The following ATRN variants were observed in gnomAD, a reference collection of about 807,000 sequenced individuals.
ATRN encodes the protein attractin-2.
In ATRN, 54 loss-of-function variants were observed where a neutral mutation model predicts 178.7. The observed-to-expected ratio is 0.30, with a 90% CI of 0.24 to 0.38. The LOEUF is 0.38. Ranked by LOEUF, ATRN falls within the 10% of genes least tolerant of loss-of-function variation. The pLI, the probability that ATRN is intolerant of heterozygous loss-of-function variation, is 1.00. For synonymous variants in ATRN, 636 were observed against 663.0 expected (o/e 0.96, Z 0.63); for missense variants, 1,443 against 1,815.1 (o/e 0.79, Z 3.73).
chr20:3,565,263 T>A, intron 10 of ATRN, 85 bp from the exon 11 acceptor site: 1 of 977,652 alleles, frequency 1.0e-6, no homozygotes, highest in Non-Finnish European at 1.5e-6. Context: ...GTTCTCTTTG[T>A]TGTAGTATTT....
intron 6 of ATRN, among the ~76,000 whole-genome samples, chr20:3,553,818 A>T (rs1350310475): frequency 6.6e-6 from 1 of 152,048 alleles, no homozygotes; most frequent in Non-Finnish European, 1.5e-5. Context: ...TCCCAGAGAG[A>T]TCTTCTCTGA....
At chr20:3,554,345 A>ATTTG (rs1461495231) in intron 6 of ATRN, among the ~76,000 whole-genome samples, 1 of 149,826 alleles carries the variant, frequency 6.7e-6, no homozygotes, top group Non-Finnish European at 1.5e-5. Flanking sequence ...TTATTTATTT[A>ATTTG]TTTATTTTGA....
At position 3,630,964 on chromosome 20, in the gene ATRN, T is replaced by TTTTTTTTTTG. The variant is rs1307722255; in HGVS notation, c.3864-3347_3864-3346insTTTTTTTTTG. 4.6e-4 allele frequency among the ~76,000 whole-genome samples: 34 copies of TTTTTTTTTTG among 73,430 alleles called. 8 individuals are homozygous for TTTTTTTTTTG. Among genetic ancestry groups the TTTTTTTTTTG allele is most frequent in the Non-Finnish European group, 6.3e-4 (25 of 39,838 alleles). 48.2% of individuals were successfully genotyped at this position (73,430 alleles called of 152,430 possible). A position where few individuals can be genotyped will look rare whatever the true frequency, so the allele number is the denominator to read the frequency against. ...TTTTTTTTTTTTTTTTTTTTTTTTTTGGGATAGGGTCTCTGTTGCCCAGGC... is the reference window on the plus strand; with the variant it reads ...TTTTTTTTTTTTTTTTTTTTTTTTTTTTTTTTTTTGGGGATAGGGTCTCTGTTGCCCAGGC... On this transcript the variant is annotated intron_variant, in intron 25 of 28. Transcript: ENST00000262919.
At chr20:3,514,876 G>C (rs745393766) in intron 1 of ATRN, among the ~76,000 whole-genome samples, 2 of 152,172 alleles carry the variant, frequency 1.3e-5, no homozygotes, top group Admixed American at 6.5e-5. Context: ...AGGATCGCTT[G>C]AGCCCGGTTG....
intron 24 of ATRN, among the ~76,000 whole-genome samples, chr20:3,615,337 A>G (rs1355000452): frequency 1.3e-5 from 2 of 151,208 alleles, no homozygotes; most frequent in Admixed American, 6.6e-5. Context: ...GCTGAGGCAC[A>G]AGAATCACTT....
At chr20:3,644,062 T>G in intron 27 of ATRN, 92 bp from the exon 28 acceptor site, 1 of 942,832 alleles carries the variant, frequency 1.1e-6, no homozygotes, top group South Asian at 1.5e-5. Flanking sequence ...TACCTGAAAT[T>G]GATGGTTCTT....
At chr20:3,565,787 A>T (rs1249234831) in intron 11 of ATRN, among the ~76,000 whole-genome samples, 5 of 109,258 alleles carry the variant, frequency 4.6e-5, no homozygotes, top group African/African-American at 1.6e-4. Flanking sequence ...ACAGAGCAAG[A>T]CTCTGTCTCA....
intron 26 of ATRN, among the ~76,000 whole-genome samples, chr20:3,637,845 C>T (rs1387779388): frequency 1.2e-4 from 18 of 152,146 alleles, no homozygotes; most frequent in Admixed American, 1.1e-3. Flanking sequence ...CCCTAAATCC[C>T]GAGCCCCTGT....
At chr20:3,530,083 G>A (rs1440814163) in intron 1 of ATRN, among the ~76,000 whole-genome samples, 1 of 151,382 alleles carries the variant, frequency 6.6e-6, no homozygotes, top group African/African-American at 2.4e-5. Context: ...ATCAAACTAG[G>A]TAAGTGGATT....
chr20:3,570,718 C>T (rs1397257019), intron 11 of ATRN, among the ~76,000 whole-genome samples: 3 of 152,124 alleles, frequency 2.0e-5, no homozygotes, highest in Admixed American at 6.6e-5. Flanking sequence ...ATAACAAGAT[C>T]TGCTAGACTC....
At chr20:3,545,656 G>A in intron 3 of ATRN, 106 bp from the exon 4 acceptor site, 1 of 1,428,752 alleles carries the variant, frequency 7.0e-7, no homozygotes, top group Non-Finnish European at 9.5e-7. Flanking sequence ...CTTCCTGGAT[G>A]TGGTTTTTAA....
At chr20:3,583,140 A>G (rs2086303832) in intron 16 of ATRN, among the ~76,000 whole-genome samples, 2 of 152,208 alleles carry the variant, frequency 1.3e-5, no homozygotes, top group African/African-American at 2.4e-5. Flanking sequence ...AGATTTCTAA[A>G]TATTGATTTC....
At chr20:3,473,904 C>T (rs537237633) in intron 1 of ATRN, among the ~76,000 whole-genome samples, 1 of 152,234 alleles carries the variant, frequency 6.6e-6, no homozygotes, top group Admixed American at 6.5e-5. Context: ...TCCGTGTAAA[C>T]TGGTTTGCTC....
chr20:3,634,182 C>T (rs996637871), intron 25 of ATRN, 129 bp from the exon 26 acceptor site: 1 of 726,600 alleles, frequency 1.4e-6, no homozygotes, highest in Admixed American at 2.5e-5. Flanking sequence ...ATTGTTGTGA[C>T]AAAGCATCAG....
intron 25 of ATRN, among the ~76,000 whole-genome samples, chr20:3,627,625 A>G (rs1451420912): frequency 6.6e-6 from 1 of 152,206 alleles, no homozygotes; most frequent in Non-Finnish European, 1.5e-5. Flanking sequence ...TGTCAGAAAT[A>G]AAAAAGGGGG....
At chr20:3,600,141 T>C (rs550938840) in intron 22 of ATRN, among the ~76,000 whole-genome samples, 1 of 152,288 alleles carries the variant, frequency 6.6e-6, no homozygotes, top group East Asian at 1.9e-4. Context: ...AAATTTCAGT[T>C]TGACTAATTA....
intron 1 of ATRN, among the ~76,000 whole-genome samples, chr20:3,534,783 G>A (rs924733303): frequency 3.3e-5 from 5 of 152,148 alleles, no homozygotes; most frequent in African/African-American, 9.7e-5. Flanking sequence ...GGGCAACATC[G>A]TGAGACTCTG....
intron 6 of ATRN, among the ~76,000 whole-genome samples, chr20:3,556,905 C>A (rs527951794): frequency 1.3e-5 from 2 of 152,256 alleles, no homozygotes; most frequent in South Asian, 4.1e-4. Context: ...CTGACAAGCT[C>A]TTGGTCTGAC....
intron 1 of ATRN, among the ~76,000 whole-genome samples, chr20:3,518,839 A>T: frequency 6.6e-6 from 1 of 152,034 alleles, no homozygotes. Context: ...TTAACATGTA[A>T]TAAAATATTC....
Sources: gnomAD v4.1 joint callset for allele counts (sites outside exome capture counted in the v4.1 genomes callset) on GRCh38, gnomAD v4.1.1 for gene constraint, MANE v1.5 for transcripts, NCBI Gene and HGNC (gene_info 2026-07-23, HGNC 2026-07-21) for gene names.